The following CRYL1 variants were observed in gnomAD, a reference collection of about 807,000 sequenced individuals.
CRYL1 encodes the protein lambda-crystallin homolog.
In CRYL1, 29 loss-of-function variants were observed where a neutral mutation model predicts 36.6. That is an observed-to-expected ratio of 0.79 (90% CI 0.59 to 1.08). The LOEUF (loss-of-function observed/expected upper bound fraction) is 1.08. Among genes scored for constraint, CRYL1 ranks in the 50% least tolerant of loss-of-function variants. The pLI, the probability that CRYL1 is intolerant of heterozygous loss-of-function variation, is 0.00. For missense variants in CRYL1, 411 were observed against 407.9 expected (o/e 1.01, Z -0.06); for synonymous variants, 152 against 151.5 (o/e 1.00, Z -0.02).
chr13:20,429,879 C>T (rs1473516533), intron 5 of CRYL1, among the ~76,000 whole-genome samples: 1 of 152,188 alleles, frequency 6.6e-6, no homozygotes, highest in Non-Finnish European at 1.5e-5. Context: ...GGTCAAACTT[C>T]AACCTGCTAC....
intron 5 of CRYL1, among the ~76,000 whole-genome samples, chr13:20,423,629 T>C (rs541326069): frequency 3.4e-4 from 51 of 152,150 alleles, no homozygotes; most frequent in African/African-American, 1.2e-3. Flanking sequence ...TGTTATTAAA[T>C]ATAGGATCAT....
At chr13:20,420,980 G>A (rs886708685) in intron 5 of CRYL1, among the ~76,000 whole-genome samples, 1 of 151,668 alleles carries the variant, frequency 6.6e-6, no homozygotes, top group Non-Finnish European at 1.5e-5. Context: ...TGATCCGTCC[G>A]CCTTGGCCTC....
chr13:20,439,678 A>G lies in CRYL1; in HGVS notation c.353T>C (p.Ile118Thr), dbSNP rs747845402. ...GAGACAAGAAGTGGAACTGCTTAAGATCACTCGATCATCAATGATGGAATC... is the reference window on the plus strand; with the variant it reads ...GAGACAAGAAGTGGAACTGCTTAAGGTCACTCGATCATCAATGATGGAATC... ...QLDSIIDDRV[I>T]LSSSTSCLMP... Residue 118 changes from isoleucine (I) to threonine (T), a missense_variant, in exon 4 of 8, where the codon ATC (isoleucine) becomes ACC (threonine). Ile to Thr is a moderately conservative substitution (Grantham distance 89). Transcript: ENST00000298248. 6.2e-7 allele frequency: 1 copy of G among 1,614,104 alleles called. No individual in the cohort carries two copies. The highest frequency in any genetic ancestry group is 2.2e-5 in the East Asian group (1 of 44,874).
chr13:20,518,058 C>A (rs2034034178), intron 1 of CRYL1, among the ~76,000 whole-genome samples: 1 of 151,728 alleles, frequency 6.6e-6, no homozygotes, highest in African/African-American at 2.4e-5. Context: ...TGTAGAGGCT[C>A]AATAAATGTG....
At chr13:20,494,732 C>G (rs2033574885) in intron 2 of CRYL1, among the ~76,000 whole-genome samples, 1 of 152,196 alleles carries the variant, frequency 6.6e-6, no homozygotes, top group South Asian at 2.1e-4. Flanking sequence ...CCTCGATCCT[C>G]CAGGGACCAC....
intron 3 of CRYL1, among the ~76,000 whole-genome samples, chr13:20,450,598 T>C (rs1055719192): frequency 2.0e-5 from 3 of 152,160 alleles, no homozygotes; most frequent in African/African-American, 7.2e-5. Context: ...TAGGAACACT[T>C]TTACACTGTT....
chr13:20,412,365 T>C (rs867090574), intron 6 of CRYL1, among the ~76,000 whole-genome samples: 9 of 152,306 alleles, frequency 5.9e-5, no homozygotes, highest in Middle Eastern at 6.8e-3. Flanking sequence ...TGGAGCTGCA[T>C]ACAATATTTC....
At chr13:20,409,925 A>G (rs2031475457) in intron 6 of CRYL1, among the ~76,000 whole-genome samples, 1 of 152,074 alleles carries the variant, frequency 6.6e-6, no homozygotes, top group Non-Finnish European at 1.5e-5. Flanking sequence ...ACACTTTTAC[A>G]CTGTTGGTGG....
intron 5 of CRYL1, among the ~76,000 whole-genome samples, chr13:20,416,997 A>C (rs1052915826): frequency 6.6e-6 from 1 of 152,198 alleles, no homozygotes; most frequent in Non-Finnish European, 1.5e-5. Context: ...TCCCTTCCTC[A>C]CTGCTTCTTT....
intron 2 of CRYL1, among the ~76,000 whole-genome samples, chr13:20,508,848 CA>C (rs1179533995): frequency 9.6e-4 from 10 of 10,452 alleles, no homozygotes; most frequent in African/African-American, 3.2e-3. Context: ...AGCGAGACTC[CA>C]AAAAAAAAAA....
At chr13:20,515,854 G>A (rs1005495780) in intron 1 of CRYL1, 6 of 152,078 alleles carry the variant, frequency 3.9e-5, no homozygotes, top group Non-Finnish European at 5.9e-5. Context: ...TACAACAATG[G>A]GAACATACTT....
At position 20,471,409 on chromosome 13, in the gene CRYL1, T is replaced by C. The variant is rs181822504; in HGVS notation, c.276+17961A>G. ...AACACGGTGAAGTGTTAGTTTTGTA[T>C]TGTTAGTAGAGACTGGCTAACCCAT... On this transcript the variant is annotated intron_variant, in intron 3 of 7. Transcript: ENST00000298248. Among the ~76,000 whole-genome samples, 88 of 152,158 alleles carry C rather than the reference T, an allele frequency of 5.8e-4. No individual in the cohort carries two copies. In the Middle Eastern group the frequency reaches 0.01, roughly 18 times the overall value.
chr13:20,413,519 T>C (rs535805943), intron 5 of CRYL1, 132 bp from the exon 6 acceptor site: 4 of 587,824 alleles, frequency 6.8e-6, no homozygotes, highest in Non-Finnish European at 1.2e-5. Context: ...TGAGTACCAC[T>C]TACCGAATAT....
intron 3 of CRYL1, among the ~76,000 whole-genome samples, chr13:20,462,424 C>G (rs2032849902): frequency 6.6e-6 from 1 of 150,446 alleles, no homozygotes; most frequent in Non-Finnish European, 1.5e-5. Context: ...GGAATCCAGC[C>G]AGGCCTCTTA....
In CRYL1 at chr13:20,435,084, T is replaced by A. The variant is rs971819336; in HGVS notation, c.439-2788A>T. Reference sequence around the variant, plus strand: ...GGTGGAGCTGTGGAAAGTTAGTGTTTCATGGGTAGGAGGTTCAGTCTTATA... The same window carrying A: ...GGTGGAGCTGTGGAAAGTTAGTGTTACATGGGTAGGAGGTTCAGTCTTATA... On this transcript the variant is annotated intron_variant, in intron 4 of 7. Transcript: ENST00000298248. This position sits in a 1 kb window ranked among gnomAD's most constrained non-coding sequence, Gnocchi z 4.0. Among the ~76,000 whole-genome samples, 2 of 152,098 alleles carry A rather than the reference T, an allele frequency of 1.3e-5. No individual in the cohort carries two copies. Among genetic ancestry groups the A allele is most frequent in the African/African-American group, 4.8e-5 (2 of 41,406 alleles).
intron 1 of CRYL1, among the ~76,000 whole-genome samples, chr13:20,524,208 G>T (rs996107567): frequency 1.3e-5 from 2 of 152,210 alleles, no homozygotes; most frequent in Non-Finnish European, 2.9e-5. Flanking sequence ...GGGCGACAGA[G>T]CGAGACCCTA....
chr13:20,505,390 A>ATGG (rs1476414499), intron 2 of CRYL1, among the ~76,000 whole-genome samples: 1 of 151,264 alleles, frequency 6.6e-6, no homozygotes, highest in Non-Finnish European at 1.5e-5. Context: ...AAATCAGAAT[A>ATGG]TGGGAAGTGG....
chr13:20,470,032 C>T (rs531509440), intron 3 of CRYL1, among the ~76,000 whole-genome samples: 11 of 152,314 alleles, frequency 7.2e-5, no homozygotes, highest in African/African-American at 2.6e-4. Context: ...ATCGACAGTG[C>T]GATCACCTGG....
chr13:20,414,245 AAG>A (rs2031599271), intron 5 of CRYL1, among the ~76,000 whole-genome samples: 1 of 148,792 alleles, frequency 6.7e-6, no homozygotes, highest in South Asian at 2.1e-4. Flanking sequence ...ATACACTAAA[AAG>A]AGATTTTTTG....
Sources: gnomAD v4.1 joint callset for allele counts (sites outside exome capture counted in the v4.1 genomes callset) on GRCh38, gnomAD v4.1.1 for gene constraint, Gnocchi (gnomAD v3.1) non-coding constraint, MANE v1.5 for transcripts, NCBI Gene and HGNC (gene_info 2026-07-23, HGNC 2026-07-21) for gene names.